Variants in PPP1R16A observed in about 807,000 individuals in gnomAD.
PPP1R16A encodes myosin phosphatase-targeting subunit 3.
A neutral mutation model predicts 46.6 loss-of-function variants in PPP1R16A; 39 were observed. The observed-to-expected ratio is 0.84, with a 90% CI of 0.65 to 1.09. The LOEUF (loss-of-function observed/expected upper bound fraction) is 1.09, where lower values mean the gene tolerates loss of function less well. PPP1R16A is among the 50% of genes least tolerant of loss of function. PPP1R16A has a pLI of 0.00. For synonymous variants in PPP1R16A, 413 were observed against 321.5 expected (o/e 1.28, Z -3.04); for missense variants, 798 against 735.6 (o/e 1.08, Z -0.98).
intron 1 of PPP1R16A, among the ~76,000 whole-genome samples, chr8:144,481,395 C>T (rs1825418019): frequency 6.6e-6 from 1 of 151,872 alleles, no homozygotes; most frequent in Admixed American, 6.5e-5. Flanking sequence ...GTAATCCCAG[C>T]ACTTTGGGAG....
intron 1 of PPP1R16A, among the ~76,000 whole-genome samples, chr8:144,482,612 C>T (rs1368528133): frequency 6.6e-6 from 1 of 151,598 alleles, no homozygotes; most frequent in Non-Finnish European, 1.5e-5. Flanking sequence ...CTCAACCTCC[C>T]GAGTAGCTGG....
intron 7 of PPP1R16A, 36 bp from the exon 8 acceptor site, chr8:144,500,451 G>C (rs1193268564): frequency 1.9e-6 from 3 of 1,547,598 alleles, no homozygotes; most frequent in Non-Finnish European, 8.7e-7. Flanking sequence ...GGAGGTGGGG[G>C]ATGGGGCCGA....
At chr8:144,495,427 C>CT (rs1473725595) in intron 2 of PPP1R16A, 1 of 152,152 alleles carries the variant, frequency 6.6e-6, no homozygotes, top group Non-Finnish European at 1.5e-5. Flanking sequence ...GGAGTGCCTT[C>CT]TTTCTTTTCT....
At chr8:144,484,337 A>C (rs1193205781) in intron 1 of PPP1R16A, among the ~76,000 whole-genome samples, 1 of 151,878 alleles carries the variant, frequency 6.6e-6, no homozygotes, top group African/African-American at 2.4e-5. Flanking sequence ...TGCCACATCT[A>C]CTCCGTGGGG....
At chr8:144,489,514 G>C (rs897261315) in intron 1 of PPP1R16A, among the ~76,000 whole-genome samples, 1 of 152,110 alleles carries the variant, frequency 6.6e-6, no homozygotes, top group Non-Finnish European at 1.5e-5. Context: ...CTAAACTGCT[G>C]CTTCCTTGGA....
intron 3 of PPP1R16A, 32 bp from the exon 4 acceptor site, chr8:144,498,738 G>A (rs1826235434): frequency 6.5e-7 from 1 of 1,549,148 alleles, no homozygotes; most frequent in South Asian, 1.2e-5. Flanking sequence ...CCAGGGGCAG[G>A]ACCCTGTCCT....
Position 144,501,200 on chromosome 8 carries a change from T to C in PPP1R16A, c.1109T>C (p.Ile370Thr), listed in dbSNP as rs1187901545. The change falls in exon 11 of 12, where the codon ATC becomes ACC. Residue 370 changes from isoleucine (I) to threonine (T), a missense_variant. Ile to Thr is a moderately conservative substitution (Grantham distance 89, BLOSUM62 -1). Coordinates refer to ENST00000435887, the MANE Select transcript of PPP1R16A (RefSeq NM_001329443.2). ...LYRKQHAQEAIVWQQPPPTSP... is the reference protein window; with the variant it reads ...LYRKQHAQEATVWQQPPPTSP... ...CGCAAGCAGCACGCCCAGGAGGCCA[T>C]CGTGTGGCAACAGCCGCCGCCCACC... The C allele has an allele frequency of 6.2e-7, 1 of 1,609,562 alleles. No individual in the cohort carries two copies. Among genetic ancestry groups the C allele is most frequent in the Non-Finnish European group, 8.5e-7 (1 of 1,179,586 alleles).
In PPP1R16A at chr8:144,500,423, C is replaced by A. The variant is rs768731992; in HGVS notation, c.705+32C>A. ...GCTGGGGGGTGAGGGGCACACGGGG[C>A]TGGGGGCCTCGCTACTTGGAGGTGG... is the stretch of plus-strand genomic sequence containing the variant. On this transcript the variant is annotated intron_variant, in intron 7 of 11. Coordinates refer to ENST00000435887, the MANE Select transcript of PPP1R16A (RefSeq NM_001329443.2). 4 of 1,517,770 alleles carry A rather than the reference C, an allele frequency of 2.6e-6. No homozygotes were observed. In the East Asian group the frequency reaches 7.3e-5, roughly 28 times the overall value. The allele number at this position is 1,517,770 out of a possible 1,614,324, so 94.0% of individuals were successfully genotyped here.
At chr8:144,481,228 T>C (rs956646373) in intron 1 of PPP1R16A, among the ~76,000 whole-genome samples, 3 of 152,006 alleles carry the variant, frequency 2.0e-5, no homozygotes, top group Non-Finnish European at 4.4e-5. Context: ...AATCCAAATA[T>C]AAAACATTTC....
At position 144,497,283 on chromosome 8, in the gene PPP1R16A, G is replaced by T; in HGVS notation, c.89G>T (p.Arg30Leu). The T allele has an allele frequency of 6.2e-7, 1 of 1,611,672 alleles. No homozygotes were observed. The highest frequency in any genetic ancestry group is 8.5e-7 in the Non-Finnish European group (1 of 1,179,474). Residue 30 changes from arginine to leucine, a missense_variant, in exon 3 of 12, where the codon CGC becomes CTC. By Grantham distance (102) the Arg-to-Leu change is moderately radical. Coordinates refer to ENST00000435887, the MANE Select transcript of PPP1R16A (RefSeq NM_001329443.2). ...CGGCTGAAGCATGCCCAGAAGCGGCGCGCCCAGCAGGTGAAGATGTGGGCC... is the reference window on the plus strand; with the variant it reads ...CGGCTGAAGCATGCCCAGAAGCGGCTCGCCCAGCAGGTGAAGATGTGGGCC... The part of the protein sequence containing the change: ...QERLKHAQKR[R>L]AQQVKMWAQA...
chr8:144,501,857 C>G lies in PPP1R16A; in HGVS notation c.1541C>G (p.Ala514Gly), dbSNP rs61740411. 2 of 1,546,032 alleles carry G rather than the reference C, an allele frequency of 1.3e-6. No individual in the cohort carries two copies. The highest frequency in any genetic ancestry group is 2.4e-5 in the East Asian group (1 of 41,088). Residue 514 changes from alanine (A) to glycine (G), a missense_variant, in exon 12 of 12, where the codon GCG becomes GGG. Transcript: ENST00000435887. ...CCCCTGCTCAAGCTCACAGCCCCGG[C>G]GGTGGAGGCTCCCGTGGAGAGGAGG... ...DPPLLKLTAP[A>G]VEAPVERRPC... is the part of the protein sequence containing the mutation.
chr8:144,500,839 C>T lies in PPP1R16A; in HGVS notation c.908-3C>T. The T allele has an allele frequency of 1.3e-6, 2 of 1,583,974 alleles. No individual in the cohort carries two copies. The highest frequency in any genetic ancestry group is 1.7e-6 in the Non-Finnish European group (2 of 1,166,246). On this transcript the variant is annotated splice_region_variant and splice_polypyrimidine_tract_variant and intron_variant, in intron 9 of 11. Transcript: ENST00000435887. Reference sequence around the variant, plus strand: ...GCCCCTGACGCCTGCGCCCACTTCTCAGATGTGTGCGGGGACGAGGAGGTG... The same window carrying T: ...GCCCCTGACGCCTGCGCCCACTTCTTAGATGTGTGCGGGGACGAGGAGGTG...
chr8:144,496,131 T>C (rs952986031), intron 2 of PPP1R16A: 2 of 152,136 alleles, frequency 1.3e-5, no homozygotes, highest in Non-Finnish European at 2.9e-5. Flanking sequence ...TGCCCAGCCT[T>C]AGGGCAGCGC....
intron 1 of PPP1R16A, among the ~76,000 whole-genome samples, chr8:144,484,639 G>C (rs748683347): frequency 1.3e-5 from 2 of 152,262 alleles, no homozygotes; most frequent in African/African-American, 4.8e-5. Context: ...CAAGGGGAAA[G>C]GAAATTGAAG....
chr8:144,501,158 A>G lies in PPP1R16A; in HGVS notation c.1067A>G (p.Gln356Arg). The part of the protein sequence containing the change: ...GKVVRRVSLT[Q>R]RTDLYRKQHA... The stretch of plus-strand genomic sequence containing the variant: ...GTGGTGAGGCGGGTGAGCCTAACCC[A>G]GCGCACCGACCTGTACCGCAAGCAG... Residue 356 changes from glutamine (Q) to arginine (R), a missense_variant, in exon 11 of 12, where the codon CAG becomes CGG. Transcript: ENST00000435887. The G allele has an allele frequency of 6.2e-7, 1 of 1,610,688 alleles. No individual in the cohort carries two copies. Among genetic ancestry groups the G allele is most frequent in the South Asian group, 1.1e-5 (1 of 91,060 alleles).
chr8:144,500,960 C>A lies in PPP1R16A; in HGVS notation c.1026C>A (p.Ala342=). Reference sequence around the variant, plus strand: ...TGCTGCGCCGCCGCACCTCCAGCGCCGGCAGCCGCGGGTGAGCGCCGCCCC... The same window carrying A: ...TGCTGCGCCGCCGCACCTCCAGCGCAGGCAGCCGCGGGTGAGCGCCGCCCC... ...RSLLRRRTSS[A]GSRGKVVRRV... Residue 342 remains alanine, a synonymous_variant, in exon 10 of 12, where the codon GCC becomes GCA. Transcript: ENST00000435887. The A allele has an allele frequency of 6.8e-7, 1 of 1,475,322 alleles. No homozygotes were observed. Among genetic ancestry groups the A allele is most frequent in the South Asian group, 1.3e-5 (1 of 74,968 alleles). The allele number at this position is 1,475,322 out of a possible 1,614,324, so 91.4% of individuals were successfully genotyped here. A position where few individuals can be genotyped will look rare whatever the true frequency, so the allele number is the denominator to read the frequency against.
At position 144,497,115 on chromosome 8, in the gene PPP1R16A, C is replaced by A; in HGVS notation, c.-80C>A. 1 of 1,520,606 alleles carries A rather than the reference C, an allele frequency of 6.6e-7. No homozygotes were observed. The highest frequency in any genetic ancestry group is 8.8e-7 in the Non-Finnish European group (1 of 1,134,540). 94.2% of individuals were successfully genotyped at this position (1,520,606 alleles called of 1,614,324 possible). ...CGAGGGTGCCAGTCCAGCTAGCTGC[C>A]CCACCCCTCAGGCCCAGCCTGGCCC... On this transcript the variant is annotated 5_prime_UTR_variant, in exon 3 of 12. Transcript: ENST00000435887.
chr8:144,493,719 G>A lies in PPP1R16A; in HGVS notation c.-734-2742G>A, dbSNP rs1284143634. On this transcript the variant is annotated intron_variant, in intron 2 of 11. Transcript: ENST00000435887. The surrounding 1 kb of genome is among the most constrained non-coding windows in gnomAD (Gnocchi z 4.3). ...GGACACCCCCTGGCACCCACTCTTG[G>A]GGGGCCCTGGGCTCACTTTGGGTAC... 3.9e-5 allele frequency among the ~76,000 whole-genome samples: 6 copies of A among 152,168 alleles called. No homozygotes were observed. The highest frequency in any genetic ancestry group is 3.9e-4 in the Admixed American group (6 of 15,274).
chr8:144,500,638 A>AG, intron 8 of PPP1R16A, 26 bp downstream of exon 8: 1 of 1,604,186 alleles, frequency 6.2e-7, no homozygotes, highest in Non-Finnish European at 8.5e-7. Context: ...AGCAGGTGGG[A>AG]GGGGGCTTCC....
Sources: allele counts gnomAD v4.1 joint callset (sites outside exome capture counted in the v4.1 genomes callset), GRCh38; gene constraint gnomAD v4.1.1; non-coding constraint Gnocchi (gnomAD v3.1); transcripts MANE v1.5; gene names NCBI Gene and HGNC (gene_info 2026-07-23, HGNC 2026-07-21).